Variants in PRDM5 observed in about 807,000 individuals in gnomAD.
PRDM5 encodes the protein PR domain zinc finger protein 5.
PRDM5 carries 56 observed loss-of-function variants against 81.2 expected under a neutral mutation model. The observed-to-expected ratio is 0.69, with a 90% CI of 0.56 to 0.86. The LOEUF (loss-of-function observed/expected upper bound fraction) is 0.86, where lower values mean the gene tolerates loss of function less well. Among genes scored for constraint, PRDM5 ranks in the 40% least tolerant of loss-of-function variants. The pLI is 0.00. For synonymous variants in PRDM5, 267 were observed against 256.4 expected, an observed-to-expected ratio of 1.04 and a Z score of -0.39; for missense variants, 697 against 770.1, an observed-to-expected ratio of 0.91 and a Z score of 1.12.
intron 2 of PRDM5, among the ~76,000 whole-genome samples, chr4:120,860,477 G>T (rs539885624): frequency 6.6e-6 from 1 of 151,990 alleles, no homozygotes; most frequent in Non-Finnish European, 1.5e-5. Flanking sequence ...TTATGAAAGC[G>T]CCTAAACAGC....
At chr4:120,761,054 G>A (rs1056785102) in intron 13 of PRDM5, among the ~76,000 whole-genome samples, 8 of 152,108 alleles carry the variant, frequency 5.3e-5, no homozygotes, top group African/African-American at 1.9e-4. Context: ...CATTATTCAG[G>A]CAGACTTCTT....
chr4:120,816,699 C>T, intron 6 of PRDM5, 125 bp from the exon 7 acceptor site: 2 of 1,514,286 alleles, frequency 1.3e-6, no homozygotes, highest in South Asian at 1.1e-5. Context: ...CCATGCATTA[C>T]CTATGCAGGT....
chr4:120,880,893 G>C (rs1416540697), intron 2 of PRDM5, among the ~76,000 whole-genome samples: 1 of 152,016 alleles, frequency 6.6e-6, no homozygotes, highest in Admixed American at 6.6e-5. Context: ...TATCAACTCT[G>C]GGTGTCAATG....
chr4:120,921,816 T>G (rs1466409705), intron 1 of PRDM5, among the ~76,000 whole-genome samples: 1 of 151,824 alleles, frequency 6.6e-6, no homozygotes, highest in Non-Finnish European at 1.5e-5. Flanking sequence ...TCTCATCACA[T>G]GCCTGTAACT....
rs759569644 is a variant in PRDM5, at chr4:120,816,867, G to A, written c.708C>T (p.Cys236=). The A allele has an allele frequency of 6.2e-7, 1 of 1,613,840 alleles. No homozygotes were observed. The highest frequency in any genetic ancestry group is 8.5e-7 in the Non-Finnish European group (1 of 1,179,776). ...SLKESSRSFQ[C]SVCNSSFSSA... ...AACTGAAGGAAGAATTGCAAACAGA[G>A]CACTGAAAACTTCGCGAAGACTCCT... Residue 236 remains cysteine (C), a synonymous_variant, in exon 6 of 16, where the codon TGC becomes TGT. Transcript: ENST00000264808.
At chr4:120,845,054 A>C (rs1758500402) in intron 3 of PRDM5, among the ~76,000 whole-genome samples, 1 of 152,230 alleles carries the variant, frequency 6.6e-6, no homozygotes. Context: ...AGGCTGAGAG[A>C]GACAAGGAAG....
At chr4:120,899,795 C>T (rs1765044377) in intron 2 of PRDM5, among the ~76,000 whole-genome samples, 1 of 152,130 alleles carries the variant, frequency 6.6e-6, no homozygotes. Flanking sequence ...CTGTCCTGCA[C>T]CAGGCAGTGG....
chr4:120,869,248 T>A (rs1023153004), intron 2 of PRDM5, among the ~76,000 whole-genome samples: 4 of 152,304 alleles, frequency 2.6e-5, no homozygotes, highest in African/African-American at 9.6e-5. Context: ...AATCATTAAA[T>A]GGAATTTATT....
intron 2 of PRDM5, among the ~76,000 whole-genome samples, chr4:120,860,961 T>C (rs369140804): frequency 6.6e-6 from 1 of 152,206 alleles, no homozygotes; most frequent in Non-Finnish European, 1.5e-5. Flanking sequence ...ATTTTTAATA[T>C]AGATTTCAGA....
At chr4:120,879,934 G>A in intron 2 of PRDM5, among the ~76,000 whole-genome samples, 1 of 152,144 alleles carries the variant, frequency 6.6e-6, no homozygotes, top group East Asian at 1.9e-4. Context: ...ATATGACACT[G>A]TAGCAGTGGA....
At chr4:120,734,867 C>G (rs1740879431) in intron 14 of PRDM5, among the ~76,000 whole-genome samples, 2 of 152,200 alleles carry the variant, frequency 1.3e-5, no homozygotes, top group African/African-American at 4.8e-5. Context: ...ACATACAGCA[C>G]CCTGGGATAC....
At chr4:120,815,739 T>A (rs1754406650) in intron 7 of PRDM5, among the ~76,000 whole-genome samples, 1 of 152,118 alleles carries the variant, frequency 6.6e-6, no homozygotes, top group Non-Finnish European at 1.5e-5. Context: ...GTTTCATAAA[T>A]CTCAACCTCC....
At chr4:120,744,115 G>A (rs1424068895) in intron 14 of PRDM5, among the ~76,000 whole-genome samples, 1 of 152,124 alleles carries the variant, frequency 6.6e-6, no homozygotes, top group African/African-American at 2.4e-5. Flanking sequence ...TAGAACGCAG[G>A]ATTAAGAATC....
intron 8 of PRDM5, among the ~76,000 whole-genome samples, chr4:120,805,550 C>T (rs536549289): frequency 2.0e-5 from 3 of 152,076 alleles, no homozygotes; most frequent in Admixed American, 6.6e-5. Flanking sequence ...GTTCAACATA[C>T]ACAAATCAAA....
chr4:120,714,746 C>T (rs1737503964), intron 14 of PRDM5, among the ~76,000 whole-genome samples: 1 of 152,204 alleles, frequency 6.6e-6, no homozygotes, highest in South Asian at 2.1e-4. Context: ...TGTTAAAATC[C>T]TGTGACCCCT....
At chr4:120,811,533 T>G in intron 7 of PRDM5, 84 bp from the exon 8 acceptor site, 1 of 797,118 alleles carries the variant, frequency 1.3e-6, no homozygotes, top group Non-Finnish European at 2.1e-6. Flanking sequence ...GATATGTAAG[T>G]TCATCTTCAT....
intron 13 of PRDM5, among the ~76,000 whole-genome samples, chr4:120,764,958 A>G (rs1746172632): frequency 6.6e-6 from 1 of 152,134 alleles, no homozygotes; most frequent in Non-Finnish European, 1.5e-5. Context: ...TTGTTTTAAA[A>G]TGTTTACATT....
chr4:120,791,923 A>G (rs1750634510), intron 10 of PRDM5, among the ~76,000 whole-genome samples: 2 of 152,194 alleles, frequency 1.3e-5, no homozygotes, highest in African/African-American at 4.8e-5. Flanking sequence ...TCATCTGCAA[A>G]CCAGGAAGTG....
chr4:120,898,334 A>T (rs1303733388), intron 2 of PRDM5, among the ~76,000 whole-genome samples: 1 of 152,190 alleles, frequency 6.6e-6, no homozygotes, highest in Non-Finnish European at 1.5e-5. Context: ...ACGCAGCTTC[A>T]TAATTCTGCA....
Sources: gnomAD v4.1 joint callset for allele counts (sites outside exome capture counted in the v4.1 genomes callset) on GRCh38, gnomAD v4.1.1 for gene constraint, MANE v1.5 for transcripts, NCBI Gene and HGNC (gene_info 2026-07-23, HGNC 2026-07-21) for gene names.